SPATA31H1: variants seen among roughly 807,000 people sequenced by gnomAD.
SPATA31H1 encodes spermatogenesis-associated protein 31H1.
chr2:27,569,416 A>C, the SPATA31H1 span: 1 of 398,954 alleles, frequency 2.5e-6, no homozygotes. Flanking sequence ...CCACATTCAG[A>C]AACAGGATTT....
the SPATA31H1 span, among the ~76,000 whole-genome samples, chr2:27,562,109 C>T: frequency 6.6e-6 from 1 of 152,118 alleles, no homozygotes; most frequent in Non-Finnish European, 1.5e-5. Context: ...TCTATCTGTT[C>T]CATTGGTCTA....
At chr2:27,569,627 A>C in the SPATA31H1 span, 1 of 398,864 alleles carries the variant, frequency 2.5e-6, no homozygotes, top group Non-Finnish European at 4.4e-6. Flanking sequence ...AGCTGGGTCT[A>C]GAGTCACAGT....
the SPATA31H1 span, among the ~76,000 whole-genome samples, chr2:27,546,939 T>C: frequency 6.6e-6 from 1 of 152,052 alleles, no homozygotes; most frequent in Non-Finnish European, 1.5e-5. Context: ...TTCTCACCAC[T>C]TCACTGTAAT....
chr2:27,555,013 T>TAA, the SPATA31H1 span, among the ~76,000 whole-genome samples: 8 of 152,000 alleles, frequency 5.3e-5, no homozygotes, highest in African/African-American at 1.9e-4. Flanking sequence ...GGGGGGGACA[T>TAA]AAACATTGAG....
chr2:27,539,712 A>G, the SPATA31H1 span, among the ~76,000 whole-genome samples: 1 of 62,854 alleles, frequency 1.6e-5, no homozygotes, highest in Admixed American at 2.1e-4. Context: ...AGCGCCCCTC[A>G]CCTCCCGGAT....
chr2:27,540,055 G>A, the SPATA31H1 span, among the ~76,000 whole-genome samples: 25 of 102,532 alleles, frequency 2.4e-4, no homozygotes, highest in East Asian at 3.3e-3. Context: ...GCGGCTGGCC[G>A]GGCAGAGGGG....
chr2:27,560,672 T>A, the SPATA31H1 span, among the ~76,000 whole-genome samples: 440 of 152,278 alleles, frequency 2.9e-3, no homozygotes, highest in African/African-American at 0.01. Context: ...TTAGCCAGGA[T>A]GGTCTCGATC....
chr2:27,579,191 T>G, the SPATA31H1 span: 1 of 1,614,008 alleles, frequency 6.2e-7, no homozygotes, highest in Non-Finnish European at 8.5e-7. Flanking sequence ...GACAACACAA[T>G]GTCTGGGAGA....
chr2:27,545,755 G>T, the SPATA31H1 span, among the ~76,000 whole-genome samples: 1 of 151,620 alleles, frequency 6.6e-6, no homozygotes, highest in East Asian at 1.9e-4. Flanking sequence ...TTTAGGTGGG[G>T]TTTCACCATG....
chr2:27,582,714 A>G, the SPATA31H1 span: 1 of 631,222 alleles, frequency 1.6e-6, no homozygotes, highest in Non-Finnish European at 2.8e-6. Context: ...ATAAAGGGGC[A>G]GTAAATGATC....
chr2:27,581,941 A>G, the SPATA31H1 span: 1 of 1,613,548 alleles, frequency 6.2e-7, no homozygotes. Flanking sequence ...GAGAAAAGCC[A>G]TCACAGTCCC....
chr2:27,558,924 G>GAGGGA, the SPATA31H1 span, among the ~76,000 whole-genome samples: 43 of 87,742 alleles, frequency 4.9e-4, no homozygotes, highest in African/African-American at 2.3e-3. Context: ...AGAGGGAGGG[G>GAGGGA]GAGGGAGAGG....
At chr2:27,580,141 G>A in the SPATA31H1 span, 282 of 1,614,112 alleles carry the variant, frequency 1.7e-4, no homozygotes, top group Non-Finnish European at 2.2e-4. Context: ...CCCGTCATAC[G>A]GAGAAGCCCT....
the SPATA31H1 span, chr2:27,582,222 A>C: frequency 6.2e-7 from 1 of 1,614,042 alleles, no homozygotes; most frequent in East Asian, 2.2e-5. Flanking sequence ...CTCTGAGAGA[A>C]GCCATCGCAG....
At chr2:27,551,951 G>A in the SPATA31H1 span, among the ~76,000 whole-genome samples, 4 of 151,890 alleles carry the variant, frequency 2.6e-5, no homozygotes, top group Non-Finnish European at 5.9e-5. Context: ...GAGTAGCTGG[G>A]ACTACAGGCG....
the SPATA31H1 span, among the ~76,000 whole-genome samples, chr2:27,554,309 T>C: frequency 6.6e-6 from 1 of 152,058 alleles, no homozygotes; most frequent in African/African-American, 2.4e-5. Flanking sequence ...ATGCATTTTT[T>C]GGTGTTTGTG....
chr2:27,577,043 C>T, the SPATA31H1 span: 7 of 1,614,062 alleles, frequency 4.3e-6, no homozygotes, highest in East Asian at 4.5e-5. The surrounding 1 kb of genome is among the most constrained non-coding windows in gnomAD (Gnocchi z 4.5). Flanking sequence ...TTTATCACGC[C>T]ACAGAATCTT....
At chr2:27,569,748 A>T in the SPATA31H1 span, 2 of 398,794 alleles carry the variant, frequency 5.0e-6, no homozygotes, top group African/African-American at 2.1e-5. Context: ...GGAGGATTTG[A>T]CTAAGAGGGA....
At chr2:27,553,545 A>G in the SPATA31H1 span, among the ~76,000 whole-genome samples, 2 of 152,098 alleles carry the variant, frequency 1.3e-5, no homozygotes, top group Non-Finnish European at 2.9e-5. Flanking sequence ...CTAATTCCTT[A>G]TAATTCCATC....
Sources: allele counts gnomAD v4.1 joint callset (sites outside exome capture counted in the v4.1 genomes callset), GRCh38; gene constraint gnomAD v4.1.1; non-coding constraint Gnocchi (gnomAD v3.1); transcripts MANE v1.5; gene names NCBI Gene and HGNC (gene_info 2026-07-23, HGNC 2026-07-21).